CDC42BPA: variants seen among roughly 807,000 people sequenced by gnomAD.
The protein encoded by CDC42BPA is serine/threonine-protein kinase MRCK alpha.
Under a neutral mutation model 223.5 loss-of-function variants are expected in CDC42BPA, and 80 were observed. The observed-to-expected ratio is 0.36, with a 90% CI of 0.30 to 0.43. The LOEUF is 0.43. Ranked by LOEUF, CDC42BPA falls within the 20% of genes least tolerant of loss-of-function variation. The probability of loss-of-function intolerance (pLI) is 1.00; values close to 1 mark genes in which losing one functional copy is unlikely to be tolerated. For missense variants in CDC42BPA, 1,743 were observed against 2,099.9 expected, an observed-to-expected ratio of 0.83 and a Z score of 3.32; for synonymous variants, 694 against 718.6, an observed-to-expected ratio of 0.97 and a Z score of 0.55.
intron 31 of CDC42BPA, among the ~76,000 whole-genome samples, chr1:227,025,579 ATTATG>A (rs1483238626): frequency 6.6e-6 from 1 of 152,158 alleles, no homozygotes; most frequent in African/African-American, 2.4e-5. Context: ...TAAGAAAAAT[ATTATG>A]TTTTATTAGG....
chr1:227,143,333 A>C (rs994795607), intron 8 of CDC42BPA, among the ~76,000 whole-genome samples: 15 of 152,234 alleles, frequency 9.9e-5, no homozygotes, highest in African/African-American at 3.6e-4. Flanking sequence ...ACCCCAAATC[A>C]ATACTTGTGG....
intron 1 of CDC42BPA, among the ~76,000 whole-genome samples, chr1:227,269,506 T>C (rs528314406): frequency 1.3e-4 from 20 of 152,180 alleles, no homozygotes; most frequent in Non-Finnish European, 2.8e-4. Flanking sequence ...GTATTAATAA[T>C]AAAAAGAAGA....
chr1:227,021,970 A>G (rs1477425265), intron 32 of CDC42BPA, among the ~76,000 whole-genome samples: 1 of 152,068 alleles, frequency 6.6e-6, no homozygotes, highest in African/African-American at 2.4e-5. Flanking sequence ...CAGTGAGCTG[A>G]GATGGTGCCA....
intron 1 of CDC42BPA, among the ~76,000 whole-genome samples, chr1:227,278,444 T>A (rs976705578): frequency 2.0e-4 from 30 of 152,214 alleles, no homozygotes; most frequent in African/African-American, 7.0e-4. Context: ...ACTTGTTCTC[T>A]AACACTCAAC....
At chr1:227,096,996 C>A (rs1025149107) in intron 15 of CDC42BPA, among the ~76,000 whole-genome samples, 2 of 152,072 alleles carry the variant, frequency 1.3e-5, no homozygotes, top group African/African-American at 4.8e-5. Flanking sequence ...TGTCCATATA[C>A]TCTACTTTCT....
intron 3 of CDC42BPA, among the ~76,000 whole-genome samples, chr1:227,200,010 T>G (rs1671439545): frequency 6.6e-6 from 1 of 152,244 alleles, no homozygotes. Flanking sequence ...GTATCCTTCC[T>G]ACTCCAAACT....
intron 20 of CDC42BPA, 47 bp from the exon 21 acceptor site, chr1:227,069,900 G>C: frequency 8.1e-7 from 1 of 1,227,636 alleles, no homozygotes; most frequent in Non-Finnish European, 1.2e-6. Context: ...AATTAAAATT[G>C]ATTTTAATGG....
At chr1:227,213,462 G>A (rs1027040418) in intron 2 of CDC42BPA, among the ~76,000 whole-genome samples, 2 of 152,012 alleles carry the variant, frequency 1.3e-5, no homozygotes, top group African/African-American at 2.4e-5. Flanking sequence ...TGTATTAGTT[G>A]GTATTTTTGA....
At chr1:227,064,523 A>C (rs953587189) in intron 21 of CDC42BPA, among the ~76,000 whole-genome samples, 2 of 152,130 alleles carry the variant, frequency 1.3e-5, no homozygotes, top group Admixed American at 1.3e-4. Flanking sequence ...ATTGGGATGA[A>C]GGGAATAGAT....
intron 1 of CDC42BPA, among the ~76,000 whole-genome samples, chr1:227,296,519 A>G (rs1690659704): frequency 6.6e-6 from 1 of 152,096 alleles, no homozygotes; most frequent in African/African-American, 2.4e-5. Context: ...CAGCCTGGCC[A>G]TAATGGTGAA....
At chr1:227,163,108 ATATGTG>A (rs1558650323) in intron 5 of CDC42BPA, among the ~76,000 whole-genome samples, 1 of 58,974 alleles carries the variant, frequency 1.7e-5, no homozygotes, top group African/African-American at 6.3e-5. Context: ...TTCCAAACAT[ATATGTG>A]TGTATGTTTC....
intron 21 of CDC42BPA, 33 bp from the exon 22 acceptor site, chr1:227,052,018 A>C (rs958467301): frequency 6.2e-6 from 8 of 1,288,462 alleles, no homozygotes; most frequent in Non-Finnish European, 8.4e-6. Context: ...ATAAAAACCC[A>C]AAAAATCACT....
intron 21 of CDC42BPA, among the ~76,000 whole-genome samples, chr1:227,060,037 T>G (rs1012851237): frequency 1.4e-5 from 2 of 143,910 alleles, no homozygotes; most frequent in African/African-American, 5.1e-5. Context: ...TTTGTTTTTT[T>G]TTTTTTTTTT....
At chr1:227,242,412 T>A (rs1291698892) in intron 2 of CDC42BPA, among the ~76,000 whole-genome samples, 1 of 151,978 alleles carries the variant, frequency 6.6e-6, no homozygotes, top group African/African-American at 2.4e-5. Flanking sequence ...TCTTCTCTAT[T>A]ACAATAATAG....
chr1:226,999,471 C>CTGG (rs1662328095), intron 35 of CDC42BPA, among the ~76,000 whole-genome samples: 1 of 152,124 alleles, frequency 6.6e-6, no homozygotes, highest in Non-Finnish European at 1.5e-5. Context: ...CCACCGCGCC[C>CTGG]AGCCTAGGAA....
At chr1:227,215,229 T>C (rs956459454) in intron 2 of CDC42BPA, among the ~76,000 whole-genome samples, 2 of 152,160 alleles carry the variant, frequency 1.3e-5, no homozygotes, top group Non-Finnish European at 2.9e-5. Flanking sequence ...TGACGCCTAA[T>C]ATTTATTGAA....
At chr1:227,085,559 T>C (rs1271585744) in intron 16 of CDC42BPA, among the ~76,000 whole-genome samples, 2 of 152,224 alleles carry the variant, frequency 1.3e-5, no homozygotes, top group Non-Finnish European at 2.9e-5. Flanking sequence ...ATAGGCAATT[T>C]TGGCACAAAT....
At chr1:227,100,016 A>G (rs1006572138) in intron 15 of CDC42BPA, among the ~76,000 whole-genome samples, 7 of 152,200 alleles carry the variant, frequency 4.6e-5, no homozygotes, top group Non-Finnish European at 1.0e-4. Flanking sequence ...ATATTACTGA[A>G]TGAATAAATG....
At chr1:227,094,320 G>A (rs1019273485) in intron 15 of CDC42BPA, among the ~76,000 whole-genome samples, 2 of 152,172 alleles carry the variant, frequency 1.3e-5, no homozygotes, top group Admixed American at 6.5e-5. Flanking sequence ...CACTTGCTAT[G>A]TGGGCTCTAA....
Sources: gnomAD v4.1 joint callset for allele counts (sites outside exome capture counted in the v4.1 genomes callset) on GRCh38, gnomAD v4.1.1 for gene constraint, MANE v1.5 for transcripts, NCBI Gene and HGNC (gene_info 2026-07-23, HGNC 2026-07-21) for gene names.